Variants in ABL1 observed in about 807,000 individuals in gnomAD.
ABL1 encodes the protein ABL proto-oncogene 1, non-receptor tyrosine kinase.
Under a neutral mutation model 94.7 loss-of-function variants are expected in ABL1, and 11 were observed. That is an observed-to-expected ratio of 0.12 (90% CI 0.07 to 0.19). The LOEUF (loss-of-function observed/expected upper bound fraction) is 0.19, where lower values mean the gene tolerates loss of function less well. ABL1 is among the 10% of genes least tolerant of loss of function. ABL1 has a pLI of 1.00. For missense variants in ABL1, 1,082 were observed against 1,489.4 expected, an observed-to-expected ratio of 0.73 and a Z score of 4.50; for synonymous variants, 656 against 622.4, an observed-to-expected ratio of 1.05 and a Z score of -0.80.
At chr9:130,832,325 A>G (rs1028801939), upstream of ABL1, among the ~76,000 whole-genome samples, 1 of 136,020 alleles carries the variant, frequency 7.4e-6, no homozygotes, top group Admixed American at 7.3e-5. Context: ...GGGTTTCACC[A>G]TCTCAAAAAA....
chr9:130,774,873 T>C (rs1201244052), intron 1 of ABL1, among the ~76,000 whole-genome samples: 1 of 145,790 alleles, frequency 6.9e-6, no homozygotes, highest in East Asian at 2.0e-4. Flanking sequence ...AGTTAGAAAG[T>C]GGGGGAGGGA....
At chr9:130,785,978 TG>T (rs1284895546) in intron 1 of ABL1, among the ~76,000 whole-genome samples, 2 of 134,784 alleles carry the variant, frequency 1.5e-5, no homozygotes, top group African/African-American at 5.6e-5. Flanking sequence ...CTTCAGTCTG[TG>T]GAGGTTATTG....
chr9:130,814,236 G>A lies in ABL1; in HGVS notation c.137-39828G>A, dbSNP rs1830252144. The stretch of plus-strand genomic sequence containing the variant: ...AGGGAGTCGGAGGTTGCAGTGAACC[G>A]AGATCGCGCCATTGCACTCCACCCT... On this transcript the variant is annotated intron_variant, in intron 1 of 10. Coordinates refer to the ABL1 transcript ENST00000372348. This position sits in a 1 kb window ranked among gnomAD's most constrained non-coding sequence, Gnocchi z 4.4. 1.3e-5 allele frequency among the ~76,000 whole-genome samples: 2 copies of A among 151,608 alleles called. No individual in the cohort carries two copies. Among genetic ancestry groups the A allele is most frequent in the South Asian group, 2.1e-4 (1 of 4,806 alleles).
intron 1 of ABL1, among the ~76,000 whole-genome samples, chr9:130,781,282 C>G (rs1205120726): frequency 6.6e-6 from 1 of 152,124 alleles, no homozygotes; most frequent in African/African-American, 2.4e-5. Flanking sequence ...CCTTTTGAAA[C>G]AGGATACACA....
intron 1 of ABL1, among the ~76,000 whole-genome samples, chr9:130,738,012 A>G (rs1418050829): frequency 2.0e-5 from 3 of 151,772 alleles, no homozygotes; most frequent in Non-Finnish European, 2.9e-5. Context: ...TTGCGTTTTT[A>G]ATAGAGATAG....
Position 130,886,730 on chromosome 9 carries a change from A to G in ABL1, c.*1047A>G, listed in dbSNP as rs1173274230. 2 of 233,490 alleles carry G rather than the reference A, an allele frequency of 8.6e-6. No homozygotes were observed. Among genetic ancestry groups the G allele is most frequent in the Non-Finnish European group, 1.7e-5 (2 of 117,996 alleles). The allele number at this position is 233,490 out of a possible 1,614,324, so 14.5% of individuals were successfully genotyped here. A position where few individuals can be genotyped will look rare whatever the true frequency, so the allele number is the denominator to read the frequency against. ...AAGGCCCTTTCCTTTGGAACAAGAC[A>G]GCCTTCACTTTTCTGAGTTCTTGAA... On this transcript the variant is annotated 3_prime_UTR_variant, in exon 11 of 11. Coordinates refer to ENST00000318560, the MANE Select transcript of ABL1 (RefSeq NM_005157.6).
intron 1 of ABL1, among the ~76,000 whole-genome samples, chr9:130,811,739 T>A (rs1830209486): frequency 6.6e-6 from 1 of 151,424 alleles, no homozygotes; most frequent in Non-Finnish European, 1.5e-5. Context: ...TGAAACTTTG[T>A]CTCTACTAAA....
chr9:130,819,531 CCTTT>C (rs1403380821), intron 1 of ABL1, among the ~76,000 whole-genome samples: 2 of 143,048 alleles, frequency 1.4e-5, no homozygotes, highest in South Asian at 2.2e-4. Context: ...AAGAAAAATA[CCTTT>C]TTTTTTTTTT....
rs1324221843 is a variant in ABL1, at chr9:130,887,082, T to C, written c.*1399T>C. 3 of 232,950 alleles carry C rather than the reference T, an allele frequency of 1.3e-5. No homozygotes were observed. In the East Asian group the frequency reaches 1.8e-4, roughly 14 times the overall value. The allele number at this position is 232,950 out of a possible 1,614,324, so 14.4% of individuals were successfully genotyped here. On this transcript the variant is annotated 3_prime_UTR_variant, in exon 11 of 11. Coordinates refer to ENST00000318560, the MANE Select transcript of ABL1 (RefSeq NM_005157.6). ...CTCTGGGCAGGGACCCGGGGTCTCC[T>C]GGACCTTGACAGAGCAGCTAACTCC... is the stretch of plus-strand genomic sequence containing the variant.
At chr9:130,821,999 C>T (rs756206735) in intron 1 of ABL1, among the ~76,000 whole-genome samples, 27 of 152,086 alleles carry the variant, frequency 1.8e-4, no homozygotes, top group Non-Finnish European at 2.4e-4. Flanking sequence ...CCACCACCCC[C>T]GGCTAATTTT....
At position 130,877,417 on chromosome 9, in the gene ABL1, C is replaced by A. The variant is rs1054841900; in HGVS notation, c.1271-998C>A. 8.1e-5 allele frequency among the ~76,000 whole-genome samples: 12 copies of A among 148,078 alleles called. 1 individual carries two copies. The highest frequency in any genetic ancestry group is 2.6e-4 in the African/African-American group (10 of 38,806). On this transcript the variant is annotated intron_variant, in intron 7 of 10. Coordinates refer to ENST00000318560, the MANE Select transcript of ABL1 (RefSeq NM_005157.6). ...AAGGGGCTTTGGAGATAGTCTTGTG[C>A]ACCCAGAAAGCAGTGGTGGCCGGTT...
chr9:130,822,798 CA>C (rs1830379666), intron 1 of ABL1, among the ~76,000 whole-genome samples: 1 of 151,256 alleles, frequency 6.6e-6, no homozygotes, highest in Non-Finnish European at 1.5e-5. Context: ...ATTGTGGGTA[CA>C]AGTTCTTTTT....
intron 3 of ABL1, among the ~76,000 whole-genome samples, chr9:130,859,946 T>C (rs919445236): frequency 2.6e-5 from 4 of 152,172 alleles, no homozygotes; most frequent in African/African-American, 9.6e-5. Context: ...CCCAAAGTGC[T>C]GGGATTACAG....
intron 1 of ABL1, among the ~76,000 whole-genome samples, chr9:130,791,663 C>T (rs1422811302): frequency 1.3e-5 from 2 of 152,172 alleles, no homozygotes; most frequent in Non-Finnish European, 1.5e-5. Flanking sequence ...ACATAAGACT[C>T]CAGGTTCTAA....
At position 130,884,052 on chromosome 9, in the gene ABL1, G is replaced by A; in HGVS notation, c.1762G>A (p.Glu588Lys). The A allele has an allele frequency of 6.2e-7, 1 of 1,613,922 alleles. No homozygotes were observed. Among genetic ancestry groups the A allele is most frequent in the Non-Finnish European group, 8.5e-7 (1 of 1,180,042 alleles). ...CCCGGAGGGCGGCCTGAATGAAGAT[G>A]AGCGCCTTCTCCCCAAAGACAAAAA... ...GPPEGGLNED[E>K]RLLPKDKKTN... The change falls in exon 11 of 11, where the codon GAG (glutamate) becomes AAG (lysine). Residue 588 changes from glutamate (E) to lysine (K), a missense_variant. Coordinates refer to ENST00000318560, the MANE Select transcript of ABL1 (RefSeq NM_005157.6). The surrounding 1 kb of genome is among the most constrained non-coding windows in gnomAD (Gnocchi z 5.6).
chr9:130,859,977 C>T (rs1831045350), intron 3 of ABL1, among the ~76,000 whole-genome samples: 1 of 152,140 alleles, frequency 6.6e-6, no homozygotes, highest in African/African-American at 2.4e-5. Flanking sequence ...CTGCTCCTGG[C>T]AAAATGCTGT....
At chr9:130,735,967 T>C (rs2313570) in intron 1 of ABL1, among the ~76,000 whole-genome samples, 5 of 122,320 alleles carry the variant, frequency 4.1e-5, no homozygotes, top group Non-Finnish European at 6.5e-5. Flanking sequence ...ATATATTTTT[T>C]TTTTTTAAGA....
chr9:130,862,643 G>T lies in ABL1; in HGVS notation c.550-120G>T. On this transcript the variant is annotated intron_variant, in intron 3 of 10. Coordinates refer to ENST00000318560, the MANE Select transcript of ABL1 (RefSeq NM_005157.6). The surrounding 1 kb of genome is among the most constrained non-coding windows in gnomAD (Gnocchi z 5.5). ...TCTTCTAAACACTCTGTCCTGTGTG[G>T]AGAGCTCCTTATGTGAGATTTTGCT... The T allele has an allele frequency of 9.1e-7, 1 of 1,097,214 alleles. No homozygotes were observed. 68.0% of individuals were successfully genotyped at this position (1,097,214 alleles called of 1,614,324 possible). A position where few individuals can be genotyped will look rare whatever the true frequency, so the allele number is the denominator to read the frequency against.
chr9:130,789,124 C>A (rs1829869073), intron 1 of ABL1, among the ~76,000 whole-genome samples: 1 of 152,166 alleles, frequency 6.6e-6, no homozygotes, highest in African/African-American at 2.4e-5. Context: ...CTTGGGTTCT[C>A]TTAGAGTGGA....
Sources: gnomAD v4.1 joint callset for allele counts (sites outside exome capture counted in the v4.1 genomes callset) on GRCh38, gnomAD v4.1.1 for gene constraint, Gnocchi (gnomAD v3.1) non-coding constraint, MANE v1.5 for transcripts, NCBI Gene and HGNC (gene_info 2026-07-23, HGNC 2026-07-21) for gene names.